Variants in OPN5 observed in about 807,000 individuals in gnomAD.
OPN5 encodes the protein opsin-5.
Under a neutral mutation model 41.7 loss-of-function variants are expected in OPN5, and 18 were observed. The observed-to-expected ratio is 0.43, with a 90% CI of 0.30 to 0.64. The LOEUF is 0.64. Ranked by LOEUF, OPN5 falls within the 30% of genes least tolerant of loss-of-function variation. OPN5 has a pLI of 0.13. For missense variants in OPN5, 318 were observed against 434.5 expected (o/e 0.73, Z 2.38); for synonymous variants, 178 against 164.3 (o/e 1.08, Z -0.64).
chr6:47,787,056 A>G, intron 2 of OPN5: 2 of 986,572 alleles, frequency 2.0e-6, no homozygotes, highest in East Asian at 1.1e-4. Flanking sequence ...AGGGTAAATG[A>G]CAGTTGAAGA....
chr6:47,807,989 C>T (rs988268749), intron 4 of OPN5, among the ~76,000 whole-genome samples, 165 bp from the exon 5 acceptor site: 1 of 151,598 alleles, frequency 6.6e-6, no homozygotes, highest in Non-Finnish European at 1.5e-5. Context: ...GGCTGAACTT[C>T]TCAGAAGTCC....
intron 4 of OPN5, among the ~76,000 whole-genome samples, chr6:47,802,299 T>G (rs1773807205): frequency 6.6e-6 from 1 of 152,100 alleles, no homozygotes; most frequent in Admixed American, 6.6e-5. Context: ...CAGTTTTGGG[T>G]AGCATTTCTC....
At chr6:47,795,158 T>C in intron 3 of OPN5, 71 bp from the exon 4 acceptor site, 2 of 1,129,232 alleles carry the variant, frequency 1.8e-6, no homozygotes, top group Non-Finnish European at 1.2e-6. Context: ...AGGTGGAATT[T>C]GACATATCGA....
exon 4 of OPN5, chr6:47,795,412 A>T: frequency 6.2e-7 from 1 of 1,614,056 alleles, no homozygotes; most frequent in South Asian, 1.1e-5. Flanking sequence ...TTCATCCTGA[A>T]CATCCTCTTC....
At chr6:47,807,781 G>A (rs1258813246) in intron 4 of OPN5, among the ~76,000 whole-genome samples, 1 of 151,892 alleles carries the variant, frequency 6.6e-6, no homozygotes, top group East Asian at 1.9e-4. Flanking sequence ...ATTTCATCAA[G>A]GTGAATATAT....
chr6:47,796,717 G>A (rs1053812185), intron 4 of OPN5, among the ~76,000 whole-genome samples: 1 of 152,108 alleles, frequency 6.6e-6, no homozygotes, highest in Non-Finnish European at 1.5e-5. Flanking sequence ...GATAAGAGAT[G>A]GCTTTTTAGT....
chr6:47,820,553 C>T (rs1488144092), intron 6 of OPN5, among the ~76,000 whole-genome samples: 1 of 152,088 alleles, frequency 6.6e-6, no homozygotes, highest in Non-Finnish European at 1.5e-5. Flanking sequence ...ATTTCTATTC[C>T]TTTTAAGGGA....
At chr6:47,823,721 CTT>C (rs1762708046) in intron 6 of OPN5, among the ~76,000 whole-genome samples, 1 of 152,110 alleles carries the variant, frequency 6.6e-6, no homozygotes, top group African/African-American at 2.4e-5. Context: ...TATTGGGAGA[CTT>C]TGGAGATTCT....
In OPN5 at chr6:47,786,649, CTG is replaced by C. The variant is rs1258078304; in HGVS notation, c.250+19_250+20del. 2.5e-6 allele frequency: 4 copies of C among 1,610,598 alleles called. No individual in the cohort carries two copies. The Admixed American group carries it at 6.7e-5, about 27-fold the overall frequency. On this transcript the variant is annotated intron_variant, in intron 2 of 6. Coordinates refer to ENST00000371211, the Ensembl canonical transcript of OPN5. ...GGGGATTTCAGGTAACACAACCATG[CTG>C]TGTTTTCTTTGTGGGTTTAAACTAC...
chr6:47,782,823 G>C (rs938397338), intron 1 of OPN5, among the ~76,000 whole-genome samples: 2 of 152,148 alleles, frequency 1.3e-5, no homozygotes, highest in South Asian at 4.1e-4. Context: ...CCTGCTTCTA[G>C]ACTGCATGAT....
intron 4 of OPN5, among the ~76,000 whole-genome samples, chr6:47,798,569 T>C (rs505293): frequency 0.73 from 109,471 of 150,258 alleles, 40,261 homozygotes; most frequent in East Asian, 0.95. Flanking sequence ...TACTTAATGA[T>C]ATCACATAAT....
chr6:47,824,034 G>C (rs1384198237), exon 7 of OPN5: 1 of 1,502,560 alleles, frequency 6.7e-7, no homozygotes, highest in Admixed American at 2.0e-5. Flanking sequence ...GTGCTTACAC[G>C]GCGTCTGGCA....
chr6:47,784,324 T>C (rs1773147811), intron 1 of OPN5, among the ~76,000 whole-genome samples: 1 of 150,556 alleles, frequency 6.6e-6, no homozygotes, highest in Admixed American at 6.6e-5. Flanking sequence ...GGACATAGAG[T>C]CTCACTCTGT....
At chr6:47,808,215 T>C in exon 5 of OPN5, 1 of 1,613,984 alleles carries the variant, frequency 6.2e-7, no homozygotes, top group East Asian at 2.2e-5. Context: ...GTGGTGTCTG[T>C]GTGGTCAGCT....
chr6:47,823,978 T>C lies in OPN5; in HGVS notation c.1057-5T>C. On this transcript the variant is annotated splice_polypyrimidine_tract_variant and splice_region_variant and intron_variant, in intron 6 of 6. Transcript: ENST00000371211. ...CCCTAAAACTCAATTTTTTCTTCTC[T>C]ACAGTGGGAATAACAAATGTTCTGG... 4 of 1,550,214 alleles carry C rather than the reference T, an allele frequency of 2.6e-6. No individual in the cohort carries two copies. The highest frequency in any genetic ancestry group is 3.5e-6 in the Non-Finnish European group (4 of 1,145,624).
At chr6:47,801,859 A>G (rs1773787333) in intron 4 of OPN5, among the ~76,000 whole-genome samples, 1 of 151,590 alleles carries the variant, frequency 6.6e-6, no homozygotes, top group Admixed American at 6.6e-5. Context: ...AATGATTCAT[A>G]CATGGTAAGT....
chr6:47,816,131 T>C (rs1293449741), intron 6 of OPN5, among the ~76,000 whole-genome samples: 1 of 152,136 alleles, frequency 6.6e-6, no homozygotes, highest in Non-Finnish European at 1.5e-5. Context: ...CATTCACTCA[T>C]TCAGCTTTGC....
chr6:47,819,511 T>C (rs1253587389), intron 6 of OPN5, among the ~76,000 whole-genome samples: 2 of 150,742 alleles, frequency 1.3e-5, no homozygotes, highest in Admixed American at 1.3e-4. Context: ...TTTAATTTAA[T>C]TTAATTTAAT....
chr6:47,803,845 A>G (rs894405764), intron 4 of OPN5, among the ~76,000 whole-genome samples: 5 of 152,136 alleles, frequency 3.3e-5, no homozygotes, highest in African/African-American at 1.2e-4. Context: ...GAGCTGAACC[A>G]TGACTGGTAT....
Sources: allele counts gnomAD v4.1 joint callset (sites outside exome capture counted in the v4.1 genomes callset), GRCh38; gene constraint gnomAD v4.1.1; transcripts MANE v1.5; gene names NCBI Gene and HGNC (gene_info 2026-07-23, HGNC 2026-07-21).